Variants in MDGA2 observed in about 807,000 individuals in gnomAD.
MDGA2 encodes the protein MAM domain-containing glycosylphosphatidylinositol anchor protein 2.
In MDGA2, 40 loss-of-function variants were observed where a neutral mutation model predicts 117.8. The observed-to-expected ratio is 0.34, with a 90% CI of 0.26 to 0.44. The LOEUF (loss-of-function observed/expected upper bound fraction) is 0.44. MDGA2 is among the 20% of genes least tolerant of loss of function. The pLI is 1.00. For missense variants in MDGA2, 1,123 were observed against 1,250.6 expected (o/e 0.90, Z 1.54); for synonymous variants, 452 against 439.0 (o/e 1.03, Z -0.37).
intron 1 of MDGA2, among the ~76,000 whole-genome samples, chr14:47,592,174 C>A (rs1013631735): frequency 6.6e-6 from 1 of 151,994 alleles, no homozygotes; most frequent in Non-Finnish European, 1.5e-5. Context: ...CCTAGGAATA[C>A]AACAAACAAT....
chr14:47,317,801 C>T (rs1889853778), intron 1 of MDGA2, among the ~76,000 whole-genome samples: 2 of 152,012 alleles, frequency 1.3e-5, no homozygotes, highest in African/African-American at 2.4e-5. Context: ...CTATATGGCC[C>T]ACAAATTTAT....
intron 2 of MDGA2, among the ~76,000 whole-genome samples, chr14:47,258,339 C>G (rs779549557): frequency 2.0e-5 from 3 of 152,066 alleles, no homozygotes; most frequent in Non-Finnish European, 4.4e-5. Flanking sequence ...AACTTACAAT[C>G]ATGGTGGAAG....
chr14:47,361,425 C>G (rs1048163668), intron 1 of MDGA2, among the ~76,000 whole-genome samples: 2 of 152,050 alleles, frequency 1.3e-5, no homozygotes, highest in Non-Finnish European at 2.9e-5. Context: ...GATGTTGAAG[C>G]CATCCAGTCT....
At chr14:47,060,209 A>G (rs1317419163) in intron 7 of MDGA2, among the ~76,000 whole-genome samples, 2 of 152,130 alleles carry the variant, frequency 1.3e-5, no homozygotes, top group Non-Finnish European at 2.9e-5. Context: ...GATGATAAAA[A>G]TTGAATATCT....
At chr14:46,893,260 C>T (rs573488974) in intron 10 of MDGA2, among the ~76,000 whole-genome samples, 2 of 151,986 alleles carry the variant, frequency 1.3e-5, no homozygotes, top group African/African-American at 2.4e-5. Flanking sequence ...AATAAGAGTG[C>T]ATGATATCAC....
intron 8 of MDGA2, among the ~76,000 whole-genome samples, chr14:47,021,140 T>G (rs879506515): frequency 7.9e-5 from 12 of 152,316 alleles, no homozygotes; most frequent in Non-Finnish European, 1.6e-4. Flanking sequence ...TTTCTTTGTA[T>G]TTGTGTAAAA....
At position 47,517,525 on chromosome 14, in the gene MDGA2, T is replaced by A. The variant is rs543269148; in HGVS notation, c.280+156992A>T. ...ATCACAGATGAGATTTGAAAAAAAA[T>A]CACATATATGTAAATTTATATTAAA... On this transcript the variant is annotated intron_variant, in intron 1 of 16. Transcript: ENST00000399232. Among the ~76,000 whole-genome samples the A allele has an allele frequency of 3.9e-5, 6 of 152,164 alleles. No homozygotes were observed. In the East Asian group the frequency reaches 9.7e-4, roughly 25 times the overall value.
chr14:47,549,707 C>T (rs1167154670), intron 1 of MDGA2, among the ~76,000 whole-genome samples: 1 of 152,100 alleles, frequency 6.6e-6, no homozygotes, highest in Non-Finnish European at 1.5e-5. Context: ...GAGCCCTGAT[C>T]TGATAGGACT....
At chr14:47,222,444 A>G (rs570118958) in intron 2 of MDGA2, among the ~76,000 whole-genome samples, 47 of 152,260 alleles carry the variant, frequency 3.1e-4, no homozygotes, top group African/African-American at 1.1e-3. Context: ...CTAAAGACAA[A>G]AAGCAAACAA....
chr14:47,274,706 A>T (rs1020757006), intron 2 of MDGA2, among the ~76,000 whole-genome samples: 3 of 152,152 alleles, frequency 2.0e-5, no homozygotes, highest in African/African-American at 7.2e-5. Context: ...ATGTATAAGG[A>T]TACCAATTCC....
chr14:47,037,354 C>T (rs916712436), intron 7 of MDGA2, among the ~76,000 whole-genome samples: 1 of 152,132 alleles, frequency 6.6e-6, no homozygotes, highest in Admixed American at 6.5e-5. Context: ...ATAATAAATA[C>T]TTCAATTTGA....
In MDGA2 at chr14:46,896,298, T is replaced by C. The variant is rs534742154; in HGVS notation, c.2239-14077A>G. ...TCAAAGTGTCCTAAAATTATAGACATAGAAGAACAAAAGTAAGAAAAACAG... is the reference window on the plus strand; with the variant it reads ...TCAAAGTGTCCTAAAATTATAGACACAGAAGAACAAAAGTAAGAAAAACAG... On this transcript the variant is annotated intron_variant, in intron 10 of 16. Coordinates refer to ENST00000399232, the MANE Select transcript of MDGA2 (RefSeq NM_001113498.3). 7.2e-4 allele frequency among the ~76,000 whole-genome samples: 110 copies of C among 152,254 alleles called. 2 individuals are homozygous for C. In the South Asian group the frequency reaches 0.022, roughly 30 times the overall value.
At chr14:46,877,342 T>C (rs1882273448) in intron 12 of MDGA2, 147 bp downstream of exon 12, 1 of 443,982 alleles carries the variant, frequency 2.3e-6, no homozygotes, top group Admixed American at 3.9e-5. Flanking sequence ...ATTTAAAATC[T>C]ACATTTAATG....
rs371388417 is a variant in MDGA2 at position 47,540,575 on chromosome 14, T to G, written c.280+133942A>C. ...ATATGTATATATATACACACACACA[T>G]AGAGAGAGAGACAGGATCTTGCTCT... On this transcript the variant is annotated intron_variant, in intron 1 of 16. Coordinates refer to ENST00000399232, the MANE Select transcript of MDGA2 (RefSeq NM_001113498.3). Among the ~76,000 whole-genome samples, 46 of 133,996 alleles carry G rather than the reference T, an allele frequency of 3.4e-4. No individual in the cohort carries two copies. In the South Asian group the frequency reaches 5.0e-3, roughly 15 times the overall value. 87.9% of individuals were successfully genotyped at this position (133,996 alleles called of 152,430 possible).
Position 46,911,859 on chromosome 14 carries a change from C to G in MDGA2, c.2238+8153G>C, listed in dbSNP as rs187255396. Among the ~76,000 whole-genome samples the G allele has an allele frequency of 1.6e-4, 24 of 152,050 alleles. 1 individual carries two copies. Among genetic ancestry groups the G allele is most frequent in the Non-Finnish European group, 2.1e-4 (14 of 67,970 alleles). On this transcript the variant is annotated intron_variant, in intron 10 of 16. Transcript: ENST00000399232. ...TACAAACAAGGAAGATAATTATTAC[C>G]CAATAATTCCAGTTGAGGGTCATGG...
intron 1 of MDGA2, among the ~76,000 whole-genome samples, chr14:47,418,711 A>C (rs956495027): frequency 9.2e-5 from 14 of 152,206 alleles, no homozygotes; most frequent in African/African-American, 3.4e-4. Context: ...ACATATTCAG[A>C]CATCACTTGC....
chr14:47,344,662 A>AAT (rs1300321931), intron 1 of MDGA2, among the ~76,000 whole-genome samples: 1 of 152,112 alleles, frequency 6.6e-6, no homozygotes, highest in East Asian at 1.9e-4. Context: ...TTCATTAATT[A>AAT]ATATCTGTGG....
intron 1 of MDGA2, among the ~76,000 whole-genome samples, chr14:47,588,231 T>C (rs953238085): frequency 3.3e-4 from 32 of 96,180 alleles, no homozygotes; most frequent in East Asian, 1.2e-3. Context: ...CTCTTGGAGA[T>C]AGATAGATAT....
At chr14:46,925,640 A>G (rs1884301873) in intron 9 of MDGA2, among the ~76,000 whole-genome samples, 1 of 151,384 alleles carries the variant, frequency 6.6e-6, no homozygotes, top group African/African-American at 2.4e-5. Context: ...TCAAAAAAAA[A>G]AAAAAAAAAA....
Sources: allele counts gnomAD v4.1 joint callset (sites outside exome capture counted in the v4.1 genomes callset), GRCh38; gene constraint gnomAD v4.1.1; transcripts MANE v1.5; gene names NCBI Gene and HGNC (gene_info 2026-07-23, HGNC 2026-07-21).